CCDC169: variants seen among roughly 807,000 people sequenced by gnomAD.
CCDC169 encodes coiled-coil domain containing 169.
A neutral mutation model predicts 36.0 loss-of-function variants in CCDC169; 30 were observed. The ratio of observed to expected loss-of-function variants is 0.83; its 90% CI spans 0.62 to 1.13. CCDC169 has a LOEUF of 1.13. Among genes scored for constraint, CCDC169 ranks in the 50% most tolerant of loss-of-function variants. CCDC169 has a pLI of 0.00. For synonymous variants in CCDC169, 85 were observed against 81.5 expected (o/e 1.04, Z -0.23); for missense variants, 245 against 245.9 (o/e 1.00, Z 0.03).
Position 36,295,794 on chromosome 13 carries a change from G to A in CCDC169, c.147C>T (p.Leu49=). 1.3e-6 allele frequency: 2 copies of A among 1,528,472 alleles called. No individual in the cohort carries two copies. Among genetic ancestry groups the A allele is most frequent in the Non-Finnish European group, 1.8e-6 (2 of 1,127,446 alleles). The allele number at this position is 1,528,472 out of a possible 1,614,324, so 94.7% of individuals were successfully genotyped here. Residue 49 remains leucine, a synonymous_variant, in exon 2 of 8, where the codon CTC becomes CTT. Coordinates refer to ENST00000239859, the MANE Select transcript of CCDC169 (RefSeq NM_001144981.3). The part of the protein sequence containing the change: ...RHKITELEAK[L]NTDNEGSEWK... ...CTTATATACCTTCATTGTCAGTATT[G>A]AGTTTGGCTTCCAGTTCCGTAATCT...
chr13:36,283,512 A>G lies in CCDC169; in HGVS notation c.275-3T>C. 4 of 1,550,130 alleles carry G rather than the reference A, an allele frequency of 2.6e-6. No homozygotes were observed. Among genetic ancestry groups the G allele is most frequent in the African/African-American group, 1.4e-5 (1 of 73,138 alleles). On this transcript the variant is annotated splice_polypyrimidine_tract_variant and splice_region_variant and intron_variant, in intron 3 of 7. Transcript: ENST00000239859. ...GACACGAATAGAAGATAGTCTATCTACAATAAATCAAATATGAGCACTTAA... is the reference window on the plus strand; with the variant it reads ...GACACGAATAGAAGATAGTCTATCTGCAATAAATCAAATATGAGCACTTAA...
rs1382871285 is a variant in CCDC169, at chr13:36,297,696, G to A, written c.24C>T (p.Asn8=). The stretch of plus-strand genomic sequence containing the variant: ...GGCGGTTGGTGCTCACACCGTCGAA[G>A]TTGTAGTTTCTCTCTTCCTTCATAG... MKEERNY[N]FDGVSTNRLK... Residue 8 remains asparagine, a synonymous_variant, in exon 1 of 8, where the codon AAC becomes AAT. Transcript: ENST00000239859. 6.4e-7 allele frequency: 1 copy of A among 1,551,364 alleles called. No individual in the cohort carries two copies.
At chr13:36,287,135 T>C (rs772368574) in intron 2 of CCDC169, among the ~76,000 whole-genome samples, 11 of 148,244 alleles carry the variant, frequency 7.4e-5, no homozygotes, top group African/African-American at 2.1e-4. Flanking sequence ...CCTGAAGCTA[T>C]AGAGTTAAGT....
downstream of CCDC169, among the ~76,000 whole-genome samples, chr13:36,229,081 A>G (rs115864685): frequency 7.7e-3 from 1,177 of 152,300 alleles, 7 homozygotes; most frequent in African/African-American, 0.023. Flanking sequence ...AGTAAAAGCT[A>G]ATTCACATCC....
chr13:36,242,320 C>A (rs1871934332), intron 7 of CCDC169, among the ~76,000 whole-genome samples: 1 of 152,234 alleles, frequency 6.6e-6, no homozygotes, highest in South Asian at 2.1e-4. Flanking sequence ...TTTTAATTTG[C>A]ATTCTGCTGA....
chr13:36,222,915 C>T (rs1869689004), downstream of CCDC169: 1 of 151,774 alleles, frequency 6.6e-6, no homozygotes, highest in Non-Finnish European at 1.5e-5. Flanking sequence ...AAAAAAGAAC[C>T]AAAAGGAACA....
chr13:36,292,868 G>A (rs1199181572), intron 2 of CCDC169, among the ~76,000 whole-genome samples: 1 of 152,130 alleles, frequency 6.6e-6, no homozygotes, highest in Non-Finnish European at 1.5e-5. Flanking sequence ...CCTTGAGTAG[G>A]TGCAAGTAGG....
chr13:36,257,815 C>T (rs1361995743), intron 4 of CCDC169, among the ~76,000 whole-genome samples: 1 of 152,158 alleles, frequency 6.6e-6, no homozygotes, highest in Non-Finnish European at 1.5e-5. Flanking sequence ...GCCCAGTATA[C>T]ACTAAGGGCT....
intron 2 of CCDC169, among the ~76,000 whole-genome samples, chr13:36,288,019 T>G (rs1422043877): frequency 6.6e-6 from 1 of 152,088 alleles, no homozygotes; most frequent in African/African-American, 2.4e-5. Flanking sequence ...TTTTTAATTT[T>G]TTTTTTTGAG....
At chr13:36,258,005 T>C (rs1874128759) in intron 4 of CCDC169, among the ~76,000 whole-genome samples, 1 of 152,168 alleles carries the variant, frequency 6.6e-6, no homozygotes, top group South Asian at 2.1e-4. Flanking sequence ...AATGGAACAT[T>C]TTCCCTGGTG....
At chr13:36,240,630 T>C in intron 7 of CCDC169, 2 of 1,285,514 alleles carry the variant, frequency 1.6e-6, no homozygotes, top group Non-Finnish European at 2.0e-6. Flanking sequence ...GGCTCCTTAG[T>C]TATTTTCTTC....
At chr13:36,248,945 T>C (rs1872811290) in intron 6 of CCDC169, among the ~76,000 whole-genome samples, 1 of 151,988 alleles carries the variant, frequency 6.6e-6, no homozygotes, top group African/African-American at 2.4e-5. Flanking sequence ...ATATCACCTA[T>C]GTGGTATAGA....
intron 4 of CCDC169, among the ~76,000 whole-genome samples, chr13:36,272,718 C>T (rs879459926): frequency 1.3e-5 from 2 of 152,114 alleles, no homozygotes; most frequent in East Asian, 3.9e-4. Context: ...ATTATTCAAA[C>T]GGCATATTTT....
chr13:36,234,962 T>C (rs1295353273), intron 7 of CCDC169, among the ~76,000 whole-genome samples: 2 of 152,126 alleles, frequency 1.3e-5, no homozygotes, highest in African/African-American at 4.8e-5. Context: ...GTAATTCTTC[T>C]TTTTAAATCT....
chr13:36,276,707 G>A (rs1365977272), intron 4 of CCDC169, among the ~76,000 whole-genome samples: 1 of 152,178 alleles, frequency 6.6e-6, no homozygotes, highest in East Asian at 1.9e-4. Flanking sequence ...TTATGACTCT[G>A]AATGAGTCAA....
At position 36,256,719 on chromosome 13, in the gene CCDC169, TGG is replaced by T. The variant is rs1751792014; in HGVS notation, c.316-2578_316-2577del. ...GGGTGATATGAGGCCCCCACCGGCCTGGGGTGCTGGCCACATCTTGGCCCTGG... is the reference window on the plus strand; with the variant it reads ...GGGTGATATGAGGCCCCCACCGGCCTGGTGCTGGCCACATCTTGGCCCTGG... On this transcript the variant is annotated intron_variant, in intron 4 of 7. Transcript: ENST00000239859. Among the ~76,000 whole-genome samples, 3 of 152,336 alleles carry T rather than the reference TGG, an allele frequency of 2.0e-5. No homozygotes were observed. In the South Asian group the frequency reaches 6.2e-4, roughly 32 times the overall value.
At chr13:36,267,629 A>C (rs1875504396) in intron 4 of CCDC169, among the ~76,000 whole-genome samples, 1 of 152,232 alleles carries the variant, frequency 6.6e-6, no homozygotes, top group Non-Finnish European at 1.5e-5. Flanking sequence ...CTGAATGTAA[A>C]TGGTCTAAAT....
downstream of CCDC169, among the ~76,000 whole-genome samples, chr13:36,228,802 C>T (rs753019621): frequency 1.3e-4 from 20 of 152,158 alleles, no homozygotes; most frequent in Non-Finnish European, 2.8e-4. Flanking sequence ...TCACCCGCCT[C>T]ACCCTCCCAA....
intron 4 of CCDC169, among the ~76,000 whole-genome samples, chr13:36,266,006 G>A (rs889989013): frequency 3.2e-4 from 48 of 152,170 alleles, no homozygotes; most frequent in African/African-American, 8.9e-4. Context: ...CCAGAGGTCC[G>A]TTTTGGGAGG....
Sources: gnomAD v4.1 joint callset for allele counts (sites outside exome capture counted in the v4.1 genomes callset) on GRCh38, gnomAD v4.1.1 for gene constraint, MANE v1.5 for transcripts, NCBI Gene and HGNC (gene_info 2026-07-23, HGNC 2026-07-21) for gene names.